CHSY1: variants seen among roughly 807,000 people sequenced by gnomAD.
The protein encoded by CHSY1 is N-acetylgalactosaminyl-proteoglycan 3-beta-glucuronosyltransferase 1.
Under a neutral mutation model 59.8 loss-of-function variants are expected in CHSY1, and 13 were observed. The ratio of observed to expected loss-of-function variants is 0.22; its 90% CI spans 0.14 to 0.35. The LOEUF (loss-of-function observed/expected upper bound fraction) is 0.35. CHSY1 is among the 10% of genes least tolerant of loss of function. The probability of loss-of-function intolerance (pLI) is 1.00; values close to 1 mark genes in which losing one functional copy is unlikely to be tolerated. For synonymous variants in CHSY1, 459 were observed against 401.2 expected, an observed-to-expected ratio of 1.14 and a Z score of -1.72; for missense variants, 947 against 1,030.6, an observed-to-expected ratio of 0.92 and a Z score of 1.11.
At chr15:101,250,228 G>A (rs546001928) in intron 1 of CHSY1, among the ~76,000 whole-genome samples, 1 of 152,324 alleles carries the variant, frequency 6.6e-6, no homozygotes, top group African/African-American at 2.4e-5. Context: ...GGCTGGATAA[G>A]ACCCAAACTT....
chr15:101,182,226 T>A (rs1040501981), intron 2 of CHSY1, among the ~76,000 whole-genome samples: 1 of 152,144 alleles, frequency 6.6e-6, no homozygotes, highest in Non-Finnish European at 1.5e-5. Context: ...GGTCCCACGG[T>A]GTTATTCGAG....
intron 2 of CHSY1, among the ~76,000 whole-genome samples, chr15:101,190,614 CTTAA>C (rs1022778958): frequency 6.6e-6 from 1 of 152,196 alleles, no homozygotes; most frequent in Non-Finnish European, 1.5e-5. Context: ...ATAAACTGGA[CTTAA>C]TTAAAGTTAA....
At chr15:101,201,116 C>A (rs770119928) in intron 2 of CHSY1, among the ~76,000 whole-genome samples, 1 of 7,606 alleles carries the variant, frequency 1.3e-4, no homozygotes, top group African/African-American at 5.0e-4. Flanking sequence ...GGGGGCGGTG[C>A]GGGGGGAGGT....
intron 2 of CHSY1, among the ~76,000 whole-genome samples, chr15:101,217,534 G>A (rs2038746810): frequency 6.6e-6 from 1 of 152,104 alleles, no homozygotes; most frequent in South Asian, 2.1e-4. Context: ...TCTAGGCCTT[G>A]GGCAGGAAAT....
chr15:101,220,540 T>C (rs2038778429), intron 2 of CHSY1, among the ~76,000 whole-genome samples: 1 of 152,078 alleles, frequency 6.6e-6, no homozygotes, highest in Non-Finnish European at 1.5e-5. Context: ...TCCCAGTCAC[T>C]TCCCCTCACC....
chr15:101,218,038 A>G (rs948427177), intron 2 of CHSY1, among the ~76,000 whole-genome samples: 3 of 152,206 alleles, frequency 2.0e-5, no homozygotes, highest in Non-Finnish European at 4.4e-5. Flanking sequence ...TTATCTCTAC[A>G]GTCTTCCCCT....
chr15:101,212,378 C>T lies in CHSY1; in HGVS notation c.816+22704G>A, dbSNP rs79585390. ...AAATCTTGTTCAAGAGTAGTCAAAG[C>T]AACTTTGTTCATAATAGTAAAAAAA... is the stretch of plus-strand genomic sequence containing the variant. On this transcript the variant is annotated intron_variant, in intron 2 of 2. Coordinates refer to ENST00000254190, the MANE Select transcript of CHSY1 (RefSeq NM_014918.5). Among the ~76,000 whole-genome samples the T allele has an allele frequency of 3.0e-3, 454 of 152,228 alleles. 2 individuals carry two copies. The highest frequency in any genetic ancestry group is 0.011 in the African/African-American group (438 of 41,532).
Position 101,251,646 on chromosome 15 carries a change from T to G in CHSY1, c.-190A>C, listed in dbSNP as rs1423641648. On this transcript the variant is annotated 5_prime_UTR_variant, in exon 1 of 3. Transcript: ENST00000254190. ...CGCAGGCCCCGCGCCGGCGCTTTGT[T>G]CCGCACGCCCGCCCCCGCCGCCGCG... 2 of 145,290 alleles carry G rather than the reference T, an allele frequency of 1.4e-5. No individual in the cohort carries two copies. The highest frequency in any genetic ancestry group is 2.1e-4 in the South Asian group (1 of 4,792). The allele number at this position is 145,290 out of a possible 1,614,324, so 9.0% of individuals were successfully genotyped here. A position where few individuals can be genotyped will look rare whatever the true frequency, so the allele number is the denominator to read the frequency against.
intron 2 of CHSY1, among the ~76,000 whole-genome samples, chr15:101,189,870 G>C (rs1445159672): frequency 6.6e-6 from 1 of 152,280 alleles, no homozygotes; most frequent in African/African-American, 2.4e-5. Context: ...ACAGCACAGT[G>C]GCGCTGTGGG....
At chr15:101,204,762 G>C (rs1019001032) in intron 2 of CHSY1, among the ~76,000 whole-genome samples, 13 of 151,976 alleles carry the variant, frequency 8.6e-5, no homozygotes, top group Non-Finnish European at 1.9e-4. Context: ...AAAATTAGCT[G>C]GGGATGGTGG....
chr15:101,217,698 T>C (rs1200653353), intron 2 of CHSY1, among the ~76,000 whole-genome samples: 1 of 152,122 alleles, frequency 6.6e-6, no homozygotes, highest in Non-Finnish European at 1.5e-5. Context: ...AAAGCGTATA[T>C]AATCCAAAAT....
intron 2 of CHSY1, among the ~76,000 whole-genome samples, chr15:101,197,511 C>G (rs571910421): frequency 2.6e-4 from 40 of 152,284 alleles, no homozygotes; most frequent in Non-Finnish European, 4.6e-4. Flanking sequence ...ATTCCCAAGT[C>G]CTTGTATCTA....
rs2038205701 is a variant in CHSY1, at chr15:101,177,389, T to C, written c.2408A>G (p.Ter803=). The change falls in exon 3 of 3, where the codon TAA becomes TGA. Residue 803 remains the stop codon, a stop_retained_variant. Transcript: ENST00000254190. ...SNNNGSVRTA[*] ...CGTCTTTTCCAGCAAAGCTGGACAT[T>C]AGGCTGTCCTCACTGAGCCATTATT... 6.2e-7 allele frequency: 1 copy of C among 1,608,614 alleles called. No individual in the cohort carries two copies. The highest frequency in any genetic ancestry group is 8.5e-7 in the Non-Finnish European group (1 of 1,178,604).
At chr15:101,186,147 C>CAAAAAAAAA (rs35398576) in intron 2 of CHSY1, among the ~76,000 whole-genome samples, 2 of 79,586 alleles carry the variant, frequency 2.5e-5, no homozygotes, top group Non-Finnish European at 5.0e-5. Context: ...TTGTCTCTAC[C>CAAAAAAAAA]AAAAAAAAAA....
At position 101,251,533 on chromosome 15, in the gene CHSY1, C is replaced by G. The variant is rs2039113535; in HGVS notation, c.-77G>C. On this transcript the variant is annotated 5_prime_UTR_variant, in exon 1 of 3. Coordinates refer to ENST00000254190, the MANE Select transcript of CHSY1 (RefSeq NM_014918.5). ...AGCCCGCTGCCCCCGCCCGCGGAGG[C>G]CAGCCCGCCCTAGCGCCGCGAGGCC... 1 of 245,940 alleles carries G rather than the reference C, an allele frequency of 4.1e-6. No individual in the cohort carries two copies. The highest frequency in any genetic ancestry group is 6.2e-6 in the Non-Finnish European group (1 of 161,434). The allele number at this position is 245,940 out of a possible 1,614,324, so 15.2% of individuals were successfully genotyped here.
chr15:101,219,984 C>T (rs1489123200), intron 2 of CHSY1, among the ~76,000 whole-genome samples: 1 of 152,152 alleles, frequency 6.6e-6, no homozygotes, highest in African/African-American at 2.4e-5. Flanking sequence ...CAACTCCTGA[C>T]CTCAGGGGAT....
intron 2 of CHSY1, among the ~76,000 whole-genome samples, chr15:101,182,490 C>T (rs2038294172): frequency 6.6e-6 from 1 of 152,154 alleles, no homozygotes; most frequent in South Asian, 2.1e-4. Flanking sequence ...GCATCTTAGT[C>T]CTCTGGGTTT....
intron 2 of CHSY1, among the ~76,000 whole-genome samples, chr15:101,201,780 T>G (rs1037602169): frequency 1.3e-5 from 2 of 152,138 alleles, no homozygotes; most frequent in African/African-American, 4.8e-5. Flanking sequence ...CTTAGAGAGA[T>G]CAGCCTAACC....
chr15:101,177,987 C>T lies in CHSY1; in HGVS notation c.1810G>A (p.Val604Met), dbSNP rs762577768. The change falls in exon 3 of 3, where the codon GTG becomes ATG. Residue 604 changes from valine (V) to methionine (M), a missense_variant. By Grantham distance (21) the Val-to-Met change is conservative. This residue lies in a region of CHSY1 where 602 missense variants were observed against 676.9 expected (regional missense o/e 0.89). Coordinates refer to ENST00000254190, the MANE Select transcript of CHSY1 (RefSeq NM_014918.5). ...AGGGCTCTTGAAAACTCTCCAGACACAGGCAAAATCTGCATGTCGGCTTTA... is the reference window on the plus strand; with the variant it reads ...AGGGCTCTTGAAAACTCTCCAGACATAGGCAAAATCTGCATGTCGGCTTTA... ...YPKADMQILP[V>M]SGEFSRALAL... is the part of the protein sequence containing the mutation. 2.5e-6 allele frequency: 4 copies of T among 1,614,202 alleles called. No homozygotes were observed. In the South Asian group the frequency reaches 3.3e-5, roughly 13 times the overall value.
Sources: gnomAD v4.1 joint callset for allele counts (sites outside exome capture counted in the v4.1 genomes callset) on GRCh38, gnomAD v4.1.1 for gene constraint, gnomAD v4.1.1 regional missense constraint, MANE v1.5 for transcripts, NCBI Gene and HGNC (gene_info 2026-07-23, HGNC 2026-07-21) for gene names.